HMGN3: variants seen among roughly 807,000 people sequenced by gnomAD.
HMGN3 encodes high mobility group nucleosomal binding domain 3.
HMGN3 carries 6 observed loss-of-function variants against 18.8 expected under a neutral mutation model. The observed-to-expected ratio is 0.32, with a 90% CI of 0.18 to 0.63. HMGN3 has a LOEUF of 0.63. HMGN3 is among the 30% of genes least tolerant of loss of function. The pLI, the probability that HMGN3 is intolerant of heterozygous loss-of-function variation, is 0.79. For missense variants in HMGN3, 107 were observed against 114.2 expected, an observed-to-expected ratio of 0.94 and a Z score of 0.29; for synonymous variants, 40 against 36.5, an observed-to-expected ratio of 1.10 and a Z score of -0.35.
chr6:79,215,003 C>T, exon 2 of HMGN3: 1 of 1,523,082 alleles, frequency 6.6e-7, no homozygotes, highest in Non-Finnish European at 9.0e-7. Flanking sequence ...TCCATCTTTG[C>T]CCTCTGTATT....
At chr6:79,205,654 C>A (rs887495429) in intron 3 of HMGN3, among the ~76,000 whole-genome samples, 1 of 152,106 alleles carries the variant, frequency 6.6e-6, no homozygotes, top group Non-Finnish European at 1.5e-5. Flanking sequence ...AAATTGGTAC[C>A]AGAAGAGTGG....
At chr6:79,213,191 G>T (rs923985463) in intron 2 of HMGN3, among the ~76,000 whole-genome samples, 5 of 151,992 alleles carry the variant, frequency 3.3e-5, no homozygotes, top group Non-Finnish European at 7.4e-5. Flanking sequence ...AGTGAGCTAT[G>T]ATCTTGCCAC....
intron 2 of HMGN3, among the ~76,000 whole-genome samples, chr6:79,209,532 A>AC (rs776598174): frequency 6.6e-6 from 1 of 152,280 alleles, no homozygotes; most frequent in East Asian, 1.9e-4. Flanking sequence ...TATAGTACAA[A>AC]CTCAGTATTT....
At chr6:79,221,740 A>G (rs1291865759) in intron 1 of HMGN3, among the ~76,000 whole-genome samples, 1 of 152,180 alleles carries the variant, frequency 6.6e-6, no homozygotes, top group Admixed American at 6.5e-5. Flanking sequence ...AAGGACACTG[A>G]GGGAGAGGCA....
chr6:79,202,488 C>G (rs891675057), intron 4 of HMGN3, 99 bp from the exon 5 acceptor site: 24 of 968,596 alleles, frequency 2.5e-5, no homozygotes, highest in Non-Finnish European at 3.7e-5. Flanking sequence ...TGAAGTACAA[C>G]CGTTACCATC....
intron 1 of HMGN3, among the ~76,000 whole-genome samples, chr6:79,222,005 A>G (rs1777315447): frequency 6.6e-6 from 1 of 152,156 alleles, no homozygotes; most frequent in African/African-American, 2.4e-5. Flanking sequence ...AGTTTAAGTG[A>G]CAAAGGCTAT....
intron 2 of HMGN3, among the ~76,000 whole-genome samples, chr6:79,214,262 T>C (rs983350621): frequency 1.1e-4 from 16 of 151,058 alleles, no homozygotes; most frequent in Non-Finnish European, 1.9e-4. Flanking sequence ...AGTGCAGTGG[T>C]GTGATCTCGG....
intron 1 of HMGN3, chr6:79,233,718 G>A (rs568004630): frequency 6.6e-6 from 1 of 152,434 alleles, no homozygotes; most frequent in South Asian, 2.1e-4. Flanking sequence ...CAGTCCGCAA[G>A]GGGCGGAAGA....
intron 1 of HMGN3, among the ~76,000 whole-genome samples, chr6:79,222,265 GT>G (rs1171768810): frequency 6.6e-6 from 1 of 151,166 alleles, no homozygotes; most frequent in Non-Finnish European, 1.5e-5. Flanking sequence ...TACTTTTATT[GT>G]TTTTTTTCAG....
chr6:79,202,950 A>C (rs1488307276), intron 4 of HMGN3, among the ~76,000 whole-genome samples: 2 of 152,202 alleles, frequency 1.3e-5, no homozygotes, highest in Non-Finnish European at 2.9e-5. Flanking sequence ...TATACACATA[A>C]GTTTTAAACA....
At chr6:79,220,330 G>A (rs770533474) in intron 1 of HMGN3, among the ~76,000 whole-genome samples, 19 of 152,248 alleles carry the variant, frequency 1.2e-4, no homozygotes, top group Non-Finnish European at 2.1e-4. Flanking sequence ...AACATAAAAA[G>A]TCCAAATAAA....
intron 4 of HMGN3, 125 bp from the exon 5 acceptor site, chr6:79,202,514 G>C: frequency 4.0e-6 from 3 of 755,006 alleles, no homozygotes; most frequent in East Asian, 2.5e-5. Context: ...GGCCTTTATG[G>C]AGACACGGGA....
At chr6:79,229,094 A>C (rs1246561477) in intron 1 of HMGN3, among the ~76,000 whole-genome samples, 1 of 152,228 alleles carries the variant, frequency 6.6e-6, no homozygotes, top group Non-Finnish European at 1.5e-5. Flanking sequence ...ATTAATTCAA[A>C]ATGGATAACA....
intron 1 of HMGN3, among the ~76,000 whole-genome samples, chr6:79,217,594 T>C (rs1049893307): frequency 6.6e-6 from 1 of 152,232 alleles, no homozygotes; most frequent in East Asian, 1.9e-4. Context: ...GTTGAGCACA[T>C]TTCCTTACAT....
At chr6:79,216,221 T>G (rs1025111710) in intron 1 of HMGN3, among the ~76,000 whole-genome samples, 17 of 152,198 alleles carry the variant, frequency 1.1e-4, no homozygotes, top group African/African-American at 4.1e-4. Flanking sequence ...AAAAATATGG[T>G]TTTATTTGTA....
intron 1 of HMGN3, among the ~76,000 whole-genome samples, chr6:79,230,777 AAC>A (rs748309573): frequency 2.6e-5 from 4 of 152,196 alleles, no homozygotes; most frequent in Non-Finnish European, 4.4e-5. Flanking sequence ...AAATTTTGTT[AAC>A]AGTTTTTTTT....
intron 3 of HMGN3, among the ~76,000 whole-genome samples, chr6:79,207,060 GTAAC>G (rs1377952777): frequency 6.6e-6 from 1 of 152,178 alleles, no homozygotes; most frequent in Admixed American, 6.5e-5. Context: ...TACCCAAGAA[GTAAC>G]TAACTTGCTT....
chr6:79,202,472 A>G (rs2236543), intron 4 of HMGN3, 83 bp from the exon 5 acceptor site: 309,191 of 1,129,184 alleles, frequency 0.27, 51,230 homozygotes, highest in East Asian at 0.69. Flanking sequence ...CTGTCCAAAC[A>G]CAAGGTGAAG....
intron 1 of HMGN3, among the ~76,000 whole-genome samples, chr6:79,225,786 G>A (rs1182691375): frequency 2.0e-5 from 3 of 152,164 alleles, no homozygotes; most frequent in Admixed American, 6.5e-5. Context: ...CAGTCCACTA[G>A]TTACTGAAAT....
Sources: gnomAD v4.1 joint callset for allele counts (sites outside exome capture counted in the v4.1 genomes callset) on GRCh38, gnomAD v4.1.1 for gene constraint, MANE v1.5 for transcripts, NCBI Gene and HGNC (gene_info 2026-07-23, HGNC 2026-07-21) for gene names.